The following PTPRD variants were observed in gnomAD, a reference collection of about 807,000 sequenced individuals.
The protein encoded by PTPRD is protein tyrosine phosphatase receptor type D.
A neutral mutation model predicts 214.5 loss-of-function variants in PTPRD; 34 were observed. That is an observed-to-expected ratio of 0.16 (90% CI 0.12 to 0.21). The LOEUF is 0.21. PTPRD is among the 10% of genes least tolerant of loss of function. The pLI, the probability that PTPRD is intolerant of heterozygous loss-of-function variation, is 1.00. For synonymous variants in PTPRD, 1,128 were observed against 845.7 expected (o/e 1.33, Z -5.79); for missense variants, 2,545 against 2,398.7 (o/e 1.06, Z -1.27).
At chr9:8,471,137 T>G in intron 30 of PTPRD, 52 bp from the exon 31 acceptor site, 2 of 1,481,648 alleles carry the variant, frequency 1.3e-6, no homozygotes, top group South Asian at 2.3e-5. Flanking sequence ...GAGGAAAACG[T>G]GGATATACCC....
At chr9:9,899,742 C>G (rs1264533750) in intron 5 of PTPRD, among the ~76,000 whole-genome samples, 1 of 151,950 alleles carries the variant, frequency 6.6e-6, no homozygotes, top group Non-Finnish European at 1.5e-5. Flanking sequence ...GAAGAGATAT[C>G]TGCACTTCCA....
At chr9:9,617,796 G>A (rs991527358) in intron 7 of PTPRD, among the ~76,000 whole-genome samples, 4 of 151,776 alleles carry the variant, frequency 2.6e-5, no homozygotes, top group African/African-American at 4.8e-5. Flanking sequence ...TTTTGGGCCC[G>A]GCGCGGTGGC....
At chr9:10,556,411 C>T (rs888853673) in intron 2 of PTPRD, among the ~76,000 whole-genome samples, 5 of 151,906 alleles carry the variant, frequency 3.3e-5, no homozygotes, top group Admixed American at 2.0e-4. Flanking sequence ...TTTTCCATGA[C>T]ACTATATCAT....
intron 8 of PTPRD, among the ~76,000 whole-genome samples, chr9:9,470,442 A>C (rs544491036): frequency 3.3e-5 from 5 of 152,282 alleles, no homozygotes; most frequent in African/African-American, 9.6e-5. Context: ...ATTTAGCAGA[A>C]ACTTTGAATT....
intron 4 of PTPRD, among the ~76,000 whole-genome samples, chr9:10,018,864 A>C (rs1161696992): frequency 2.0e-5 from 3 of 152,270 alleles, no homozygotes; most frequent in South Asian, 2.1e-4. Context: ...TACATTTCTA[A>C]TACACACATT....
chr9:8,623,585 T>C (rs1223753754), intron 14 of PTPRD, among the ~76,000 whole-genome samples: 1 of 151,916 alleles, frequency 6.6e-6, no homozygotes, highest in African/African-American at 2.4e-5. Flanking sequence ...CTGATCATAG[T>C]AATACTAGTG....
chr9:9,933,789 C>T (rs1013351816), intron 5 of PTPRD, among the ~76,000 whole-genome samples: 5 of 149,266 alleles, frequency 3.3e-5, no homozygotes, highest in Non-Finnish European at 7.4e-5. Flanking sequence ...TTTTCAGCAC[C>T]ACACCACACC....
intron 12 of PTPRD, among the ~76,000 whole-genome samples, chr9:8,643,164 T>G (rs1469914822): frequency 2.0e-5 from 3 of 152,186 alleles, no homozygotes; most frequent in Admixed American, 6.5e-5. Context: ...GTTTTAAAAT[T>G]TGATTTAAGA....
chr9:9,402,467 A>G (rs2071045526), intron 8 of PTPRD, among the ~76,000 whole-genome samples: 1 of 152,102 alleles, frequency 6.6e-6, no homozygotes, highest in Admixed American at 6.6e-5. Flanking sequence ...GTTACCTCAT[A>G]CATTTAATCA....
chr9:10,271,611 C>T (rs1201630145), intron 3 of PTPRD, among the ~76,000 whole-genome samples: 8 of 146,880 alleles, frequency 5.4e-5, no homozygotes, highest in Non-Finnish European at 1.2e-4. Flanking sequence ...GGAATAATCT[C>T]GGCTCACTGC....
intron 11 of PTPRD, among the ~76,000 whole-genome samples, chr9:8,928,677 CT>C (rs1279412936): frequency 6.6e-6 from 1 of 151,974 alleles, no homozygotes; most frequent in Non-Finnish European, 1.5e-5. Flanking sequence ...TATATGGGCT[CT>C]TTTTTTGTTC....
intron 10 of PTPRD, among the ~76,000 whole-genome samples, chr9:9,135,404 ATG>A (rs1324847265): frequency 6.6e-6 from 1 of 152,232 alleles, no homozygotes; most frequent in African/African-American, 2.4e-5. Flanking sequence ...GCCCAAATCG[ATG>A]TGTGTATACA....
chr9:8,848,846 C>A (rs2097759107), intron 11 of PTPRD, among the ~76,000 whole-genome samples: 1 of 149,374 alleles, frequency 6.7e-6, no homozygotes, highest in South Asian at 2.1e-4. Flanking sequence ...TGGATCAACC[C>A]TCTTCTGTGA....
chr9:9,065,339 G>A lies in PTPRD; in HGVS notation c.-142-46604C>T, dbSNP rs576718984. Among the ~76,000 whole-genome samples the A allele has an allele frequency of 4.6e-5, 7 of 152,044 alleles. No individual in the cohort carries two copies. In the East Asian group the frequency reaches 1.4e-3, roughly 30 times the overall value. ...AAATTGATAAGGTTCCATTGGGAGGGAGATCTACAACATCAGTGGGAAGCA... is the reference window on the plus strand; with the variant it reads ...AAATTGATAAGGTTCCATTGGGAGGAAGATCTACAACATCAGTGGGAAGCA... On this transcript the variant is annotated intron_variant, in intron 10 of 45. Coordinates refer to ENST00000381196, the MANE Select transcript of PTPRD (RefSeq NM_002839.4).
intron 32 of PTPRD, 111 bp from the exon 33 acceptor site, chr9:8,460,682 GTGTGATGCAATAT>G: frequency 9.3e-7 from 1 of 1,070,480 alleles, no homozygotes; most frequent in Non-Finnish European, 1.3e-6. Context: ...AATGATAAGT[GTGTGATGCAATAT>G]TAGCAAAACA....
chr9:9,122,790 C>G (rs937457397), intron 10 of PTPRD, among the ~76,000 whole-genome samples: 16 of 152,098 alleles, frequency 1.1e-4, no homozygotes, highest in Non-Finnish European at 2.9e-5. Context: ...CATGGAGTAA[C>G]GTGCAAGGGT....
chr9:8,955,321 A>C lies in PTPRD; in HGVS notation c.-104+63376T>G, dbSNP rs192264831. 4.4e-3 allele frequency among the ~76,000 whole-genome samples: 675 copies of C among 151,972 alleles called. 4 individuals carry two copies. The highest frequency in any genetic ancestry group is 0.016 in the African/African-American group (653 of 41,512). On this transcript the variant is annotated intron_variant, in intron 11 of 45. Transcript: ENST00000381196. ...GGAGATAGGCTGTCTTCTTAACAGG[A>C]GATCTTCAGATACCATCTGCTTGGA...
At chr9:8,914,518 G>C (rs10116490) in intron 11 of PTPRD, among the ~76,000 whole-genome samples, 1 of 152,034 alleles carries the variant, frequency 6.6e-6, no homozygotes, top group East Asian at 1.9e-4. Context: ...GAAATATGTA[G>C]AGTGATAGGG....
Position 8,521,431 on chromosome 9 carries a change from C to G in PTPRD, c.807G>C (p.Trp269Cys), listed in dbSNP as rs2138888247. The G allele has an allele frequency of 6.2e-7, 1 of 1,614,054 alleles. No homozygotes were observed. The highest frequency in any genetic ancestry group is 1.3e-5 in the African/African-American group (1 of 75,032). ...GTGTCAGATCTTCTGCCCCCAACAT[C>G]CACTTTACATAAGGCATTGGTGACC... is the stretch of plus-strand genomic sequence containing the variant. ...AVGSPMPYVK[W>C]MLGAEDLTPE... The change falls in exon 20 of 46, where the codon TGG becomes TGC. Residue 269 changes from tryptophan to cysteine, a missense_variant. Physicochemically the swap from Trp to Cys is radical, Grantham distance 215. Transcript: ENST00000381196.
Sources: gnomAD v4.1 joint callset for allele counts (sites outside exome capture counted in the v4.1 genomes callset) on GRCh38, gnomAD v4.1.1 for gene constraint, MANE v1.5 for transcripts, NCBI Gene and HGNC (gene_info 2026-07-23, HGNC 2026-07-21) for gene names.